Variants in ERI3 observed in about 807,000 individuals in gnomAD.
ERI3 encodes ERI1 exoribonuclease 3.
ERI3 carries 18 observed loss-of-function variants against 44.4 expected under a neutral mutation model. The ratio of observed to expected loss-of-function variants is 0.41; its 90% CI spans 0.28 to 0.60. ERI3 has a LOEUF of 0.60. Ranked by LOEUF, ERI3 falls within the 20% of genes least tolerant of loss-of-function variation. ERI3 has a pLI of 0.36. For missense variants in ERI3, 294 were observed against 435.5 expected, an observed-to-expected ratio of 0.68 and a Z score of 2.89; for synonymous variants, 183 against 164.8, an observed-to-expected ratio of 1.11 and a Z score of -0.84.
chr1:44,326,390 T>TAAA (rs1646312676), intron 3 of ERI3, among the ~76,000 whole-genome samples: 1 of 152,158 alleles, frequency 6.6e-6, no homozygotes, highest in Non-Finnish European at 1.5e-5. Context: ...GGGTATGGTT[T>TAAA]GCAATAACAG....
At chr1:44,304,513 C>T (rs552813360) in intron 6 of ERI3, among the ~76,000 whole-genome samples, 25 of 152,262 alleles carry the variant, frequency 1.6e-4, no homozygotes, top group African/African-American at 6.0e-4. Flanking sequence ...TTGAGCAATG[C>T]CAAGAGGACT....
chr1:44,318,357 A>G (rs561844914), intron 4 of ERI3, among the ~76,000 whole-genome samples: 1 of 152,326 alleles, frequency 6.6e-6, no homozygotes, highest in East Asian at 1.9e-4. Flanking sequence ...TTCCCTTCGC[A>G]TAAGCAAGGG....
intron 5 of ERI3, among the ~76,000 whole-genome samples, chr1:44,312,338 G>A (rs963441306): frequency 3.3e-5 from 5 of 152,028 alleles, no homozygotes; most frequent in Admixed American, 6.6e-5. Context: ...TGAGATCCAC[G>A]GGCTTTTTCT....
intron 8 of ERI3, among the ~76,000 whole-genome samples, chr1:44,239,407 G>GA (rs1176516395): frequency 6.6e-6 from 1 of 152,194 alleles, no homozygotes. Flanking sequence ...GAGTGTGAAT[G>GA]AATCACACCC....
chr1:44,311,902 CA>C lies in ERI3; in HGVS notation c.666+1266del, dbSNP rs35707956. On this transcript the variant is annotated intron_variant, in intron 5 of 8. Transcript: ENST00000372257. ...CCTTGGTCATAGGAATGAATCTCTT[CA>C]AAAAAAAAAGATGGTCAATATGGCT... Among the ~76,000 whole-genome samples the C allele has an allele frequency of 4.7e-5, 7 of 147,834 alleles. No homozygotes were observed. The South Asian group carries it at 1.1e-3, about 22-fold the overall frequency.
chr1:44,294,053 AG>A (rs1341025890), intron 6 of ERI3, among the ~76,000 whole-genome samples: 3 of 152,262 alleles, frequency 2.0e-5, no homozygotes, highest in Non-Finnish European at 4.4e-5. Flanking sequence ...AGCTCTGAGC[AG>A]GAGTGTCTGA....
intron 6 of ERI3, among the ~76,000 whole-genome samples, chr1:44,303,224 C>G (rs988821813): frequency 6.6e-6 from 1 of 152,212 alleles, no homozygotes; most frequent in African/African-American, 2.4e-5. Context: ...GCCCAACACA[C>G]AGTGGCAGTG....
rs201572345 is a variant in ERI3 at position 44,310,952 on chromosome 1, C to A, written c.666+2217G>T. Among the ~76,000 whole-genome samples, 18 of 38,862 alleles carry A rather than the reference C, an allele frequency of 4.6e-4. No individual in the cohort carries two copies. The Admixed American group carries it at 5.4e-3, about 12-fold the overall frequency. 25.5% of individuals were successfully genotyped at this position (38,862 alleles called of 152,430 possible). On this transcript the variant is annotated intron_variant, in intron 5 of 8. Coordinates refer to ENST00000372257, the MANE Select transcript of ERI3 (RefSeq NM_024066.3). Reference sequence around the variant, plus strand: ...CAACTCCTTGCATGTATGTGCACATCGCGCGCGCGCGCACACACACACACA... The same window carrying A: ...CAACTCCTTGCATGTATGTGCACATAGCGCGCGCGCGCACACACACACACA...
At position 44,355,236 on chromosome 1, in the gene ERI3, C is replaced by A. The variant is rs528425916; in HGVS notation, c.-210G>T. 7.6e-6 allele frequency: 9 copies of A among 1,180,734 alleles called. No individual in the cohort carries two copies. In the East Asian group the frequency reaches 1.1e-4, roughly 15 times the overall value. The allele number at this position is 1,180,734 out of a possible 1,614,324, so 73.1% of individuals were successfully genotyped here. A position where few individuals can be genotyped will look rare whatever the true frequency, so the allele number is the denominator to read the frequency against. ...GCCTGAACAGCGGCAGCCAGCACCA[C>A]GAGTCCACAACACACCGACTCACCT... On this transcript the variant is annotated 5_prime_UTR_variant, in exon 1 of 9. Coordinates refer to ENST00000372257, the MANE Select transcript of ERI3 (RefSeq NM_024066.3).
chr1:44,284,709 G>A lies in ERI3; in HGVS notation c.831+126C>T, dbSNP rs1002596285. The stretch of plus-strand genomic sequence containing the variant: ...CATATTAGCTAAGGAAAAGGATGAA[G>A]TTAAGAAAAGAGAAGAACAAAAAGA... On this transcript the variant is annotated intron_variant, in intron 7 of 8. Coordinates refer to ENST00000372257, the MANE Select transcript of ERI3 (RefSeq NM_024066.3). 1.5e-5 allele frequency: 11 copies of A among 722,504 alleles called. No individual in the cohort carries two copies. The African/African-American group carries it at 1.8e-4, about 12-fold the overall frequency. 44.8% of individuals were successfully genotyped at this position (722,504 alleles called of 1,614,324 possible).
At chr1:44,225,680 G>C (rs1300067544) in intron 8 of ERI3, among the ~76,000 whole-genome samples, 2 of 152,174 alleles carry the variant, frequency 1.3e-5, no homozygotes, top group Admixed American at 6.5e-5. Context: ...CACACAGAAG[G>C]GTTGCTCAGA....
At chr1:44,317,828 C>A (rs576697627) in intron 4 of ERI3, among the ~76,000 whole-genome samples, 59 of 152,026 alleles carry the variant, frequency 3.9e-4, no homozygotes, top group Admixed American at 1.6e-3. Context: ...AAGAGGGCAA[C>A]CTCTGGGTGA....
chr1:44,283,087 G>A (rs1237628301), intron 7 of ERI3, among the ~76,000 whole-genome samples: 2 of 152,176 alleles, frequency 1.3e-5, no homozygotes, highest in Admixed American at 6.5e-5. Flanking sequence ...TCGCCTGGCC[G>A]GGCCTTCACA....
intron 7 of ERI3, among the ~76,000 whole-genome samples, chr1:44,267,606 G>C (rs776943002): frequency 6.6e-6 from 1 of 152,232 alleles, no homozygotes; most frequent in Non-Finnish European, 1.5e-5. Context: ...CAACTGCCGG[G>C]TAATTAGGCA....
At position 44,241,616 on chromosome 1, in the gene ERI3, C is replaced by G. The variant is rs949840584; in HGVS notation, c.931+6323G>C. 2.0e-5 allele frequency among the ~76,000 whole-genome samples: 3 copies of G among 152,128 alleles called. No homozygotes were observed. Among genetic ancestry groups the G allele is most frequent in the Admixed American group, 1.3e-4 (2 of 15,284 alleles). On this transcript the variant is annotated intron_variant, in intron 8 of 8. Coordinates refer to ENST00000372257, the MANE Select transcript of ERI3 (RefSeq NM_024066.3). This position sits in a 1 kb window ranked among gnomAD's most constrained non-coding sequence, Gnocchi z 5.6. ...TCACCAGGGGTCAGGGCGCTGACATCCCCGCAGAGTCTATCTGCAAGTGCT... is the reference window on the plus strand; with the variant it reads ...TCACCAGGGGTCAGGGCGCTGACATGCCCGCAGAGTCTATCTGCAAGTGCT...
intron 8 of ERI3, among the ~76,000 whole-genome samples, chr1:44,238,327 C>G (rs542236961): frequency 9.2e-5 from 14 of 152,190 alleles, no homozygotes; most frequent in East Asian, 1.9e-4. Flanking sequence ...GGGGCTCCCC[C>G]CTGCGGCAGC....
chr1:44,269,980 T>A (rs1645058979), intron 7 of ERI3, among the ~76,000 whole-genome samples: 1 of 152,218 alleles, frequency 6.6e-6, no homozygotes, highest in Non-Finnish European at 1.5e-5. Flanking sequence ...CTATTATTAC[T>A]GATAAACATG....
chr1:44,317,340 T>C (rs1646110702), intron 4 of ERI3, among the ~76,000 whole-genome samples: 1 of 152,160 alleles, frequency 6.6e-6, no homozygotes, highest in Non-Finnish European at 1.5e-5. Flanking sequence ...TGGATGAGGT[T>C]TCAGAATGAC....
chr1:44,342,836 T>TAA lies in ERI3; in HGVS notation c.212-3515_212-3514insTT, dbSNP rs1557867759. On this transcript the variant is annotated intron_variant, in intron 2 of 8. Transcript: ENST00000372257. ...TAATATATATATATATATATATATA[T>TAA]ATATATATATATATATATATATTTT... Among the ~76,000 whole-genome samples the TAA allele has an allele frequency of 1.5e-3, 42 of 27,566 alleles. 2 individuals carry two copies. The highest frequency in any genetic ancestry group is 6.2e-3 in the African/African-American group (39 of 6,264). 18.1% of individuals were successfully genotyped at this position (27,566 alleles called of 152,430 possible). A position where few individuals can be genotyped will look rare whatever the true frequency, so the allele number is the denominator to read the frequency against.
Sources: allele counts gnomAD v4.1 joint callset (sites outside exome capture counted in the v4.1 genomes callset), GRCh38; gene constraint gnomAD v4.1.1; non-coding constraint Gnocchi (gnomAD v3.1); transcripts MANE v1.5; gene names NCBI Gene and HGNC (gene_info 2026-07-23, HGNC 2026-07-21).